The following ANKS1B variants were observed in gnomAD, a reference collection of about 807,000 sequenced individuals.
ANKS1B encodes the protein ankyrin repeat and sterile alpha motif domain containing 1B, also known as ankyrin repeat and sterile alpha motif domain-containing protein 1B.
Under a neutral mutation model 148.3 loss-of-function variants are expected in ANKS1B, and 36 were observed. That is an observed-to-expected ratio of 0.24 (90% CI 0.19 to 0.32). The LOEUF (loss-of-function observed/expected upper bound fraction) is 0.32, where lower values mean the gene tolerates loss of function less well. Ranked by LOEUF, ANKS1B falls within the 10% of genes least tolerant of loss-of-function variation. The pLI is 1.00. For missense variants in ANKS1B, 1,157 were observed against 1,542.6 expected (o/e 0.75, Z 4.19); for synonymous variants, 542 against 560.8 (o/e 0.97, Z 0.47).
At chr12:99,866,095 G>A (rs767773825) in intron 1 of ANKS1B, among the ~76,000 whole-genome samples, 7 of 152,062 alleles carry the variant, frequency 4.6e-5, no homozygotes, top group Admixed American at 3.3e-4. Flanking sequence ...TTCAGAAACC[G>A]TAAGCCTGGT....
At chr12:98,790,493 AT>A (rs139135039) in intron 22 of ANKS1B, among the ~76,000 whole-genome samples, 2 of 151,990 alleles carry the variant, frequency 1.3e-5, no homozygotes, top group East Asian at 1.9e-4. Context: ...TAAAAACAGT[AT>A]TTTTTTTGGT....
At chr12:98,809,775 C>T (rs1243098016) in intron 19 of ANKS1B, among the ~76,000 whole-genome samples, 5 of 152,100 alleles carry the variant, frequency 3.3e-5, no homozygotes, top group Non-Finnish European at 7.4e-5. Flanking sequence ...AAGGGGACCC[C>T]AGAAAAACCT....
rs71081896 is a variant in ANKS1B, at chr12:99,098,619, C to CTTTTTTTTTTTTTTTTTTTT, written c.2527-13616_2527-13597dup. ...AATAAAGCATGCCTGCTAGGAACTA[C>CTTTTTTTTTTTTTTTTTTTT]TTTTTTTTTTTTTTTTTTTTTTTTT... On this transcript the variant is annotated intron_variant, in intron 15 of 26. Coordinates refer to ENST00000683438, the MANE Select transcript of ANKS1B (RefSeq NM_001352186.2). Among the ~76,000 whole-genome samples the CTTTTTTTTTTTTTTTTTTTT allele has an allele frequency of 6.2e-5, 2 of 32,112 alleles. 1 individual carries two copies. Among genetic ancestry groups the CTTTTTTTTTTTTTTTTTTTT allele is most frequent in the Non-Finnish European group, 1.2e-4 (2 of 17,024 alleles). 21.1% of individuals were successfully genotyped at this position (32,112 alleles called of 152,430 possible). A position where few individuals can be genotyped will look rare whatever the true frequency, so the allele number is the denominator to read the frequency against.
chr12:99,425,233 T>A (rs1217395229), intron 11 of ANKS1B, among the ~76,000 whole-genome samples: 1 of 152,014 alleles, frequency 6.6e-6, no homozygotes, highest in African/African-American at 2.4e-5. Flanking sequence ...TTCAGTTTAT[T>A]TTGTAGTTAA....
chr12:99,046,969 A>G (rs1329117140), intron 17 of ANKS1B, among the ~76,000 whole-genome samples: 1 of 152,198 alleles, frequency 6.6e-6, no homozygotes, highest in Non-Finnish European at 1.5e-5. Context: ...AATAGAAACA[A>G]TCCAAATGTG....
intron 12 of ANKS1B, among the ~76,000 whole-genome samples, chr12:99,347,428 G>A (rs568111852): frequency 1.3e-5 from 2 of 152,062 alleles, no homozygotes; most frequent in East Asian, 1.9e-4. Context: ...CTCACCTTTG[G>A]GTGAACTTCA....
At chr12:99,214,437 C>T (rs1021577574) in intron 14 of ANKS1B, among the ~76,000 whole-genome samples, 2 of 152,080 alleles carry the variant, frequency 1.3e-5, no homozygotes, top group African/African-American at 4.8e-5. Flanking sequence ...GGCAGTTTTT[C>T]CCGTGCTGTT....
intron 17 of ANKS1B, among the ~76,000 whole-genome samples, chr12:99,002,200 G>A (rs1018370430): frequency 3.3e-5 from 5 of 152,114 alleles, no homozygotes; most frequent in African/African-American, 9.7e-5. Flanking sequence ...TAGCAGTGTT[G>A]TTCTTCACTT....
intron 12 of ANKS1B, among the ~76,000 whole-genome samples, chr12:99,383,143 A>G (rs918011810): frequency 2.0e-5 from 3 of 152,238 alleles, no homozygotes; most frequent in Non-Finnish European, 2.9e-5. Context: ...CAGCACAGCT[A>G]GCGTGAACAT....
chr12:99,285,913 C>G (rs2079066494), intron 12 of ANKS1B, among the ~76,000 whole-genome samples: 1 of 152,086 alleles, frequency 6.6e-6, no homozygotes, highest in African/African-American at 2.4e-5. Flanking sequence ...TGTCAGAATT[C>G]TGACAAGCCC....
chr12:99,110,726 G>T (rs1415523810), intron 15 of ANKS1B, among the ~76,000 whole-genome samples: 1 of 152,116 alleles, frequency 6.6e-6, no homozygotes, highest in Non-Finnish European at 1.5e-5. Context: ...CATGGCTTTT[G>T]TCATTAATAA....
At chr12:99,550,352 G>A (rs577702304) in intron 9 of ANKS1B, among the ~76,000 whole-genome samples, 62 of 152,098 alleles carry the variant, frequency 4.1e-4, no homozygotes, top group Non-Finnish European at 7.6e-4. Context: ...AATCAAGCGC[G>A]GTGGCTTAGG....
At chr12:99,193,730 A>G (rs1248740683) in intron 14 of ANKS1B, among the ~76,000 whole-genome samples, 1 of 147,150 alleles carries the variant, frequency 6.8e-6, no homozygotes, top group African/African-American at 2.5e-5. Context: ...TGGCCTCTCT[A>G]CTCAGCCACT....
At chr12:99,190,225 T>C (rs2080467727) in intron 14 of ANKS1B, among the ~76,000 whole-genome samples, 1 of 152,206 alleles carries the variant, frequency 6.6e-6, no homozygotes, top group Non-Finnish European at 1.5e-5. Flanking sequence ...TCCATGCTCA[T>C]GGATAGGAAG....
At chr12:99,069,929 A>G (rs574792601) in intron 16 of ANKS1B, among the ~76,000 whole-genome samples, 14 of 152,302 alleles carry the variant, frequency 9.2e-5, no homozygotes, top group South Asian at 6.2e-4. Flanking sequence ...GCCAGTTTCA[A>G]TCCTGACTCT....
At chr12:99,818,088 G>A (rs943717796) in intron 2 of ANKS1B, among the ~76,000 whole-genome samples, 6 of 151,866 alleles carry the variant, frequency 4.0e-5, no homozygotes, top group African/African-American at 1.4e-4. Flanking sequence ...GAAACTAGTA[G>A]GGGAAAACAC....
At chr12:99,945,901 A>G (rs564014141) in intron 1 of ANKS1B, among the ~76,000 whole-genome samples, 9 of 152,304 alleles carry the variant, frequency 5.9e-5, no homozygotes, top group Non-Finnish European at 1.3e-4. Context: ...TCACTTTGGG[A>G]CCAAAGCATT....
chr12:98,898,542 G>T (rs1056525281), intron 17 of ANKS1B, among the ~76,000 whole-genome samples: 2 of 152,092 alleles, frequency 1.3e-5, no homozygotes, highest in African/African-American at 4.8e-5. Context: ...ATAATTAGAA[G>T]CAGGCGTAAA....
rs12372609 is a variant in ANKS1B, at chr12:98,774,197, A to T, written c.3442-1018T>A. 2.9e-3 allele frequency among the ~76,000 whole-genome samples: 446 copies of T among 152,344 alleles called. 2 individuals carry two copies. Among genetic ancestry groups the T allele is most frequent in the Non-Finnish European group, 5.5e-3 (372 of 68,038 alleles). ...CTGTTGCTACCATTATTTACAGGTG[A>T]AGCAACTGGTACTCAAAGAATTTAA... On this transcript the variant is annotated intron_variant, in intron 24 of 26. Coordinates refer to ENST00000683438, the MANE Select transcript of ANKS1B (RefSeq NM_001352186.2).
Sources: allele counts gnomAD v4.1 joint callset (sites outside exome capture counted in the v4.1 genomes callset), GRCh38; gene constraint gnomAD v4.1.1; transcripts MANE v1.5; gene names NCBI Gene and HGNC (gene_info 2026-07-23, HGNC 2026-07-21).